SAMSN1: variants seen among roughly 807,000 people sequenced by gnomAD.
The protein encoded by SAMSN1 is SAM domain, SH3 domain and nuclear localization signals 1.
In SAMSN1, 31 loss-of-function variants were observed where a neutral mutation model predicts 42.0. The ratio of observed to expected loss-of-function variants is 0.74; its 90% CI spans 0.55 to 1.00. The LOEUF is 1.00. SAMSN1 is among the 50% of genes least tolerant of loss of function. SAMSN1 has a pLI of 0.00. For synonymous variants in SAMSN1, 178 were observed against 151.9 expected (o/e 1.17, Z -1.26); for missense variants, 464 against 439.4 (o/e 1.06, Z -0.50).
At chr21:14,573,629 C>CT (rs768006399) in intron 2 of SAMSN1, among the ~76,000 whole-genome samples, 5 of 152,128 alleles carry the variant, frequency 3.3e-5, no homozygotes, top group Non-Finnish European at 7.4e-5. Context: ...AAGAAAATTG[C>CT]TTTGAAAAAT....
At chr21:14,623,511 G>C (rs1215852797) in intron 2 of SAMSN1, among the ~76,000 whole-genome samples, 1 of 152,138 alleles carries the variant, frequency 6.6e-6, no homozygotes, top group Non-Finnish European at 1.5e-5. Flanking sequence ...AGCCAACAAA[G>C]ATCGAAAGAG....
At chr21:14,630,858 A>G (rs1983310121) in intron 2 of SAMSN1, among the ~76,000 whole-genome samples, 1 of 152,168 alleles carries the variant, frequency 6.6e-6, no homozygotes, top group South Asian at 2.1e-4. Context: ...AGCTATGTCA[A>G]TGTTGATGAT....
chr21:14,492,479 T>C (rs1986733943), intron 7 of SAMSN1, among the ~76,000 whole-genome samples: 1 of 152,190 alleles, frequency 6.6e-6, no homozygotes, highest in Non-Finnish European at 1.5e-5. Flanking sequence ...AGCACAGGAC[T>C]AGGGGCTTTG....
At chr21:14,538,447 AAAT>A (rs1431117148) in intron 1 of SAMSN1, among the ~76,000 whole-genome samples, 1 of 152,204 alleles carries the variant, frequency 6.6e-6, no homozygotes, top group Non-Finnish European at 1.5e-5. Context: ...TTGGAGATAA[AAAT>A]AATGTCTACC....
intron 1 of SAMSN1, among the ~76,000 whole-genome samples, chr21:14,649,640 C>CCTGT (rs1983792625): frequency 6.6e-6 from 1 of 151,764 alleles, no homozygotes. Flanking sequence ...TGTGATGGCA[C>CCTGT]ACACCTGTAA....
At chr21:14,491,219 T>C (rs147276603) in intron 7 of SAMSN1, among the ~76,000 whole-genome samples, 126 of 152,106 alleles carry the variant, frequency 8.3e-4, no homozygotes, top group African/African-American at 3.0e-3. Flanking sequence ...CTATTTTGAG[T>C]TGAAGGCACT....
chr21:14,584,897 C>T (rs1192861641), upstream of SAMSN1, among the ~76,000 whole-genome samples: 1 of 152,194 alleles, frequency 6.6e-6, no homozygotes, highest in Non-Finnish European at 1.5e-5. Context: ...TGACATGCAA[C>T]ATTTCCAATC....
chr21:14,564,664 C>A (rs1012843586), intron 2 of SAMSN1, among the ~76,000 whole-genome samples: 1 of 152,180 alleles, frequency 6.6e-6, no homozygotes, highest in Non-Finnish European at 1.5e-5. Context: ...ACATCTAAAG[C>A]TTTATTTTAT....
At chr21:14,505,104 T>C (rs1324416233) in intron 5 of SAMSN1, among the ~76,000 whole-genome samples, 1 of 151,994 alleles carries the variant, frequency 6.6e-6, no homozygotes, top group Non-Finnish European at 1.5e-5. Context: ...TTCAAACAAA[T>C]CCTGGAAACA....
intron 2 of SAMSN1, among the ~76,000 whole-genome samples, chr21:14,576,697 A>C (rs1454128709): frequency 1.3e-5 from 2 of 152,192 alleles, no homozygotes; most frequent in Non-Finnish European, 2.9e-5. Context: ...AGTTCATACA[A>C]GATTCCAAAA....
chr21:14,557,893 G>A (rs1980815468), intron 2 of SAMSN1, among the ~76,000 whole-genome samples: 1 of 152,146 alleles, frequency 6.6e-6, no homozygotes, highest in Non-Finnish European at 1.5e-5. Context: ...CTTTTGACAT[G>A]GGTGGCTCCT....
intron 2 of SAMSN1, among the ~76,000 whole-genome samples, chr21:14,616,184 A>G (rs541539471): frequency 6.6e-6 from 1 of 152,272 alleles, no homozygotes; most frequent in South Asian, 2.1e-4. Context: ...GTTGTATTTT[A>G]GTAATGTGTC....
chr21:14,575,233 T>C (rs1009085222), intron 2 of SAMSN1, among the ~76,000 whole-genome samples: 1 of 152,186 alleles, frequency 6.6e-6, no homozygotes, highest in South Asian at 2.1e-4. Context: ...CTGATTCTCC[T>C]AGCATCAAAT....
At chr21:14,487,017 T>C (rs1331117207) in intron 7 of SAMSN1, among the ~76,000 whole-genome samples, 3 of 152,182 alleles carry the variant, frequency 2.0e-5, no homozygotes, top group Non-Finnish European at 4.4e-5. Flanking sequence ...TGTTTCTGCA[T>C]CCTGAGCTGA....
At chr21:14,515,469 C>T (rs1246447628) in intron 3 of SAMSN1, among the ~76,000 whole-genome samples, 1 of 152,024 alleles carries the variant, frequency 6.6e-6, no homozygotes, top group Admixed American at 6.6e-5. Context: ...AAGGTGGACT[C>T]TTCCTATATA....
At chr21:14,521,314 C>T (rs1032616540) in intron 1 of SAMSN1, 93 bp from the exon 2 acceptor site, 9 of 796,416 alleles carry the variant, frequency 1.1e-5, no homozygotes, top group East Asian at 2.7e-5. Flanking sequence ...TAATAAGCAC[C>T]GTCTCTTGCA....
At chr21:14,598,539 G>A (rs1044895172) in intron 6 of SAMSN1, among the ~76,000 whole-genome samples, 4 of 152,082 alleles carry the variant, frequency 2.6e-5, no homozygotes, top group Non-Finnish European at 5.9e-5. Flanking sequence ...CACAAGCCTG[G>A]TTCTCCAGGA....
At chr21:14,547,089 G>A (rs1353352756), upstream of SAMSN1, among the ~76,000 whole-genome samples, 1 of 152,110 alleles carries the variant, frequency 6.6e-6, no homozygotes, top group East Asian at 1.9e-4. Context: ...CCTACTTAAA[G>A]CATGTATGCA....
At chr21:14,622,895 A>C (rs1323684108) in intron 2 of SAMSN1, among the ~76,000 whole-genome samples, 1 of 152,232 alleles carries the variant, frequency 6.6e-6, no homozygotes, top group Non-Finnish European at 1.5e-5. Context: ...CCACAAAGGG[A>C]AGCCCATCTG....
Sources: allele counts gnomAD v4.1 joint callset (sites outside exome capture counted in the v4.1 genomes callset), GRCh38; gene constraint gnomAD v4.1.1; transcripts MANE v1.5; gene names NCBI Gene and HGNC (gene_info 2026-07-23, HGNC 2026-07-21).